PTK2B: variants seen among roughly 807,000 people sequenced by gnomAD.
PTK2B encodes protein tyrosine kinase 2 beta.
PTK2B carries 71 observed loss-of-function variants against 142.9 expected under a neutral mutation model. The observed-to-expected ratio is 0.50, with a 90% CI of 0.41 to 0.61. The LOEUF is 0.61. PTK2B is among the 20% of genes least tolerant of loss of function. The pLI is 0.00. For missense variants in PTK2B, 1,105 were observed against 1,320.4 expected, an observed-to-expected ratio of 0.84 and a Z score of 2.53; for synonymous variants, 519 against 503.4, an observed-to-expected ratio of 1.03 and a Z score of -0.42.
intron 1 of PTK2B, among the ~76,000 whole-genome samples, chr8:27,336,007 G>A (rs976952608): frequency 6.6e-6 from 1 of 152,138 alleles, no homozygotes; most frequent in African/African-American, 2.4e-5. Flanking sequence ...AATTCTTTCC[G>A]GGTCTCAGGC....
At chr8:27,384,607 T>A (rs1449169537) in intron 1 of PTK2B, among the ~76,000 whole-genome samples, 1 of 152,186 alleles carries the variant, frequency 6.6e-6, no homozygotes, top group African/African-American at 2.4e-5. Flanking sequence ...TGTGTGGAGA[T>A]GAATATGCTA....
At chr8:27,439,004 A>G (rs1229819455) in intron 18 of PTK2B, 27 bp from the exon 19 acceptor site, 9 of 1,588,124 alleles carry the variant, frequency 5.7e-6, no homozygotes, top group Non-Finnish European at 7.8e-6. Flanking sequence ...GCAGTGCCTC[A>G]TCCTGGTCTT....
At chr8:27,410,439 T>G (rs1351382066) in intron 2 of PTK2B, among the ~76,000 whole-genome samples, 2 of 152,208 alleles carry the variant, frequency 1.3e-5, no homozygotes, top group Non-Finnish European at 1.5e-5. Flanking sequence ...GGATGGCCCC[T>G]AGGAAAGGTG....
At chr8:27,404,112 A>T (rs1162281489) in intron 2 of PTK2B, among the ~76,000 whole-genome samples, 37 of 152,074 alleles carry the variant, frequency 2.4e-4, no homozygotes, top group Admixed American at 2.4e-3. Context: ...GTATCATGAT[A>T]TGGGTGACAA....
rs553599511 is a variant in PTK2B at position 27,333,557 on chromosome 8, A to G, written c.-38+7876A>G. 9.8e-5 allele frequency among the ~76,000 whole-genome samples: 15 copies of G among 152,320 alleles called. No homozygotes were observed. In the South Asian group the frequency reaches 2.7e-3, roughly 27 times the overall value. ...ATGCAGGCATCCCCTGGAGGCTTCT[A>G]CTTTCTCTGAGCTGAAATTGGTTCT... On this transcript the variant is annotated intron_variant, in intron 1 of 30. Transcript: ENST00000346049.
At chr8:27,362,281 C>G (rs937040343) in intron 1 of PTK2B, among the ~76,000 whole-genome samples, 2 of 152,184 alleles carry the variant, frequency 1.3e-5, no homozygotes, top group African/African-American at 2.4e-5. Flanking sequence ...GTCCTCCCCT[C>G]TCCACTTCCT....
At chr8:27,382,066 C>T (rs1312277869) in intron 1 of PTK2B, among the ~76,000 whole-genome samples, 1 of 152,136 alleles carries the variant, frequency 6.6e-6, no homozygotes, top group Non-Finnish European at 1.5e-5. Flanking sequence ...TCTCGTGCCT[C>T]GGCCATTGGA....
At chr8:27,398,201 G>C (rs558083697) in intron 2 of PTK2B, among the ~76,000 whole-genome samples, 3 of 152,344 alleles carry the variant, frequency 2.0e-5, no homozygotes, top group African/African-American at 7.2e-5. Context: ...TATAAGCCTT[G>C]TGTGCTGAGC....
intron 5 of PTK2B, among the ~76,000 whole-genome samples, chr8:27,428,761 A>G (rs1238420234): frequency 6.6e-6 from 1 of 152,246 alleles, no homozygotes; most frequent in Non-Finnish European, 1.5e-5. Context: ...GCTGGGGCAC[A>G]GAGTGCAAAA....
At position 27,454,140 on chromosome 8, in the gene PTK2B, C is replaced by A; in HGVS notation, c.2596-14C>A. The A allele has an allele frequency of 6.2e-7, 1 of 1,613,856 alleles. No homozygotes were observed. The highest frequency in any genetic ancestry group is 8.5e-7 in the Non-Finnish European group (1 of 1,179,936). Reference sequence around the variant, plus strand: ...CTCTCCCCAACTCACTGGCCACCTGCGTCTTCCCCTCAGTCCATCCAGCCC... The same window carrying A: ...CTCTCCCCAACTCACTGGCCACCTGAGTCTTCCCCTCAGTCCATCCAGCCC... On this transcript the variant is annotated splice_polypyrimidine_tract_variant and intron_variant, in intron 28 of 30. Coordinates refer to ENST00000346049, the MANE Select transcript of PTK2B (RefSeq NM_173176.3).
intron 1 of PTK2B, among the ~76,000 whole-genome samples, chr8:27,367,238 G>A (rs1363665476): frequency 6.6e-6 from 1 of 152,218 alleles, no homozygotes; most frequent in East Asian, 1.9e-4. Flanking sequence ...TCTTTGTCCT[G>A]TGAGGCCTGG....
At chr8:27,390,148 G>A (rs763940184) in intron 1 of PTK2B, among the ~76,000 whole-genome samples, 5 of 152,136 alleles carry the variant, frequency 3.3e-5, no homozygotes, top group Non-Finnish European at 7.4e-5. Context: ...CGCCTGTGGT[G>A]CTTTCGAGAC....
chr8:27,384,515 T>C (rs1211827578), intron 1 of PTK2B, among the ~76,000 whole-genome samples: 1 of 152,220 alleles, frequency 6.6e-6, no homozygotes, highest in African/African-American at 2.4e-5. Context: ...TTTCATTTCT[T>C]TCTCTTGCCT....
intron 1 of PTK2B, among the ~76,000 whole-genome samples, chr8:27,375,415 C>T (rs1214735019): frequency 6.6e-6 from 1 of 152,216 alleles, no homozygotes; most frequent in Admixed American, 6.5e-5. Flanking sequence ...TCTCTGGTAT[C>T]ACCCTTCCCA....
intron 1 of PTK2B, among the ~76,000 whole-genome samples, chr8:27,385,731 A>G (rs1807308259): frequency 6.8e-6 from 1 of 147,014 alleles, no homozygotes; most frequent in Non-Finnish European, 1.5e-5. Flanking sequence ...CCTCTCTACT[A>G]AAAATACAAA....
At chr8:27,355,403 G>A (rs867921922) in intron 1 of PTK2B, among the ~76,000 whole-genome samples, 32 of 152,118 alleles carry the variant, frequency 2.1e-4, no homozygotes, top group African/African-American at 7.0e-4. Context: ...AAGGAACCGC[G>A]AGCCAAATAA....
upstream of PTK2B, chr8:27,311,040 G>C: frequency 1.2e-6 from 2 of 1,600,970 alleles, no homozygotes; most frequent in Non-Finnish European, 1.7e-6. Flanking sequence ...AGGTCGGCGG[G>C]TGACGCGCGG....
chr8:27,346,300 C>T (rs779007390), intron 1 of PTK2B, among the ~76,000 whole-genome samples: 1 of 152,110 alleles, frequency 6.6e-6, no homozygotes, highest in Non-Finnish European at 1.5e-5. Context: ...ACTTGGGAGG[C>T]TGAGGTAGGC....
Position 27,383,373 on chromosome 8 carries a change from G to A in PTK2B, c.-37-14175G>A, listed in dbSNP as rs572685084. On this transcript the variant is annotated intron_variant, in intron 1 of 30. Transcript: ENST00000346049. Reference sequence around the variant, plus strand: ...CAATTCTCCTGTCTCAGCCTCCCAAGTATCTGGGATTACAGGCACGTGCCA... The same window carrying A: ...CAATTCTCCTGTCTCAGCCTCCCAAATATCTGGGATTACAGGCACGTGCCA... Among the ~76,000 whole-genome samples, 10 of 152,130 alleles carry A rather than the reference G, an allele frequency of 6.6e-5. No individual in the cohort carries two copies. The East Asian group carries it at 1.9e-3, about 29-fold the overall frequency.
Sources: gnomAD v4.1 joint callset for allele counts (sites outside exome capture counted in the v4.1 genomes callset) on GRCh38, gnomAD v4.1.1 for gene constraint, MANE v1.5 for transcripts, NCBI Gene and HGNC (gene_info 2026-07-23, HGNC 2026-07-21) for gene names.